The following GPX6 variants were observed in gnomAD, a reference collection of about 807,000 sequenced individuals.
GPX6 encodes the protein glutathione peroxidase 6.
GPX6 carries 21 observed loss-of-function variants against 20.0 expected under a neutral mutation model. The ratio of observed to expected loss-of-function variants is 1.05; its 90% CI spans 0.74 to 1.51. GPX6 has a LOEUF of 1.51. Ranked by LOEUF, GPX6 falls within the 40% of genes most tolerant of loss-of-function variation. The pLI is 0.00. For synonymous variants in GPX6, 75 were observed against 98.0 expected, an observed-to-expected ratio of 0.77 and a Z score of 1.38; for missense variants, 233 against 254.7, an observed-to-expected ratio of 0.91 and a Z score of 0.58.
intron 2 of GPX6, among the ~76,000 whole-genome samples, chr6:28,509,274 C>A (rs1762837144): frequency 6.6e-6 from 1 of 151,042 alleles, no homozygotes; most frequent in South Asian, 2.1e-4. Context: ...AATCCCAGCA[C>A]TTTGGGAGGC....
chr6:28,512,317 C>T lies in GPX6; in HGVS notation c.88-1413G>A, dbSNP rs182384540. Among the ~76,000 whole-genome samples the T allele has an allele frequency of 2.4e-3, 365 of 152,358 alleles. 1 individual carries two copies. Among genetic ancestry groups the T allele is most frequent in the Middle Eastern group, 0.017 (5 of 292 alleles). ...GGGATTGTAAATACACCAATCGGCACTCTGTATCTAGCTCAAGGTTTGTAA... is the reference window on the plus strand; with the variant it reads ...GGGATTGTAAATACACCAATCGGCATTCTGTATCTAGCTCAAGGTTTGTAA... On this transcript the variant is annotated intron_variant, in intron 1 of 4. Transcript: ENST00000361902.
intron 1 of GPX6, 70 bp downstream of exon 1, chr6:28,515,587 C>A: frequency 1.7e-6 from 2 of 1,185,980 alleles, no homozygotes; most frequent in East Asian, 4.7e-5. Context: ...TAGAGAACTC[C>A]TTGCAACTCT....
chr6:28,515,511 G>A, intron 1 of GPX6, 146 bp downstream of exon 1: 2 of 656,424 alleles, frequency 3.0e-6, no homozygotes, highest in Non-Finnish European at 5.5e-6. Flanking sequence ...GCCTGCTAAG[G>A]ATAGCAATGT....
At chr6:28,509,808 A>G (rs1182556489) in intron 2 of GPX6, among the ~76,000 whole-genome samples, 2 of 152,236 alleles carry the variant, frequency 1.3e-5, no homozygotes, top group Admixed American at 6.5e-5. Flanking sequence ...GGTTGGCGAG[A>G]TGGAGCATTC....
chr6:28,505,844 G>C, intron 3 of GPX6, 42 bp from the exon 4 acceptor site: 1 of 1,451,596 alleles, frequency 6.9e-7, no homozygotes, highest in Admixed American at 1.7e-5. Context: ...TACAAATTAA[G>C]ACATGGATGG....
At position 28,510,843 on chromosome 6, in the gene GPX6, C is replaced by T. The variant is rs751406057; in HGVS notation, c.149G>A (p.Gly50Asp). Reference protein sequence around the residue: ...IYEYGALTLNGEEYIQFKQFA... With the variant: ...IYEYGALTLNDEEYIQFKQFA... ...CTGCTTGAATTGGATGTACTCCTCG[C>T]CGTTGAGGGTGAGGGCTCCATACTC... Residue 50 changes from glycine (G) to aspartate (D), a missense_variant, in exon 2 of 5, where the codon GGC (glycine) becomes GAC (aspartate). By Grantham distance (94) the Gly-to-Asp change is moderately conservative. Coordinates refer to ENST00000361902, the MANE Select transcript of GPX6 (RefSeq NM_182701.1). The T allele has an allele frequency of 4.3e-6, 7 of 1,613,926 alleles. No individual in the cohort carries two copies. The African/African-American group carries it at 8.0e-5, about 18-fold the overall frequency.
intron 1 of GPX6, among the ~76,000 whole-genome samples, chr6:28,514,183 T>G (rs1291137698): frequency 6.6e-6 from 1 of 152,210 alleles, no homozygotes; most frequent in Non-Finnish European, 1.5e-5. Context: ...ATGCCTCCAT[T>G]TTCTTGCCTT....
At chr6:28,511,621 C>T (rs1042168875) in intron 1 of GPX6, among the ~76,000 whole-genome samples, 1 of 152,382 alleles carries the variant, frequency 6.6e-6, no homozygotes, top group South Asian at 2.1e-4. Context: ...GGAACACACT[C>T]AACTGGCTGG....
At chr6:28,509,158 G>A (rs1380304970) in intron 2 of GPX6, among the ~76,000 whole-genome samples, 2 of 152,068 alleles carry the variant, frequency 1.3e-5, no homozygotes, top group Non-Finnish European at 2.9e-5. Context: ...AAAATTGATA[G>A]GGTTTATATA....
intron 1 of GPX6, among the ~76,000 whole-genome samples, chr6:28,513,431 A>C (rs1762952173): frequency 6.6e-6 from 1 of 152,124 alleles, no homozygotes; most frequent in Admixed American, 6.6e-5. Context: ...GCTCCCGTAC[A>C]GGTTTGAGCG....
chr6:28,504,467 C>T lies in GPX6; in HGVS notation c.491G>A (p.Gly164Asp), dbSNP rs1265204599. 3 of 1,613,928 alleles carry T rather than the reference C, an allele frequency of 1.9e-6. No homozygotes were observed. The highest frequency in any genetic ancestry group is 2.5e-6 in the Non-Finnish European group (3 of 1,179,934). ...CTCCCAGAAGAGTTGGCTTGATGAG[C>T]CCAAAAGATCAGAGGTCGGAGGGCA... The part of the protein sequence containing the change: ...NSCPPTSDLL[G>D]SSSQLFWEPM... Residue 164 changes from glycine (G) to aspartate (D), a missense_variant, in exon 5 of 5, where the codon GGC (glycine) becomes GAC (aspartate). Physicochemically the swap from Gly to Asp is moderately conservative, Grantham distance 94. Coordinates refer to ENST00000361902, the MANE Select transcript of GPX6 (RefSeq NM_182701.1).
chr6:28,504,968 T>C (rs193212097), intron 4 of GPX6, among the ~76,000 whole-genome samples: 3 of 152,300 alleles, frequency 2.0e-5, no homozygotes, highest in Admixed American at 6.5e-5. Context: ...CTAATACTCA[T>C]TTTGCCAATA....
At chr6:28,515,081 T>A (rs990947325) in intron 1 of GPX6, among the ~76,000 whole-genome samples, 1 of 152,228 alleles carries the variant, frequency 6.6e-6, no homozygotes, top group Non-Finnish European at 1.5e-5. Context: ...TGACCTTCCC[T>A]AAAATTAATA....
At chr6:28,512,809 A>G (rs1483769073) in intron 1 of GPX6, among the ~76,000 whole-genome samples, 3 of 152,096 alleles carry the variant, frequency 2.0e-5, no homozygotes, top group African/African-American at 7.2e-5. Context: ...GGAGGAATGA[A>G]CAACTCCAGA....
At chr6:28,511,816 C>T (rs534371088) in intron 1 of GPX6, among the ~76,000 whole-genome samples, 1 of 152,378 alleles carries the variant, frequency 6.6e-6, no homozygotes. Context: ...AGCCGGCCCC[C>T]TCAGCTTCCG....
At chr6:28,513,055 C>G (rs1269735001) in intron 1 of GPX6, among the ~76,000 whole-genome samples, 1 of 152,188 alleles carries the variant, frequency 6.6e-6, no homozygotes, top group Non-Finnish European at 1.5e-5. Context: ...TAGGAGCACA[C>G]TGGAAGGCCA....
At chr6:28,505,571 A>C in intron 4 of GPX6, 132 bp downstream of exon 4, 1 of 660,410 alleles carries the variant, frequency 1.5e-6, no homozygotes. Flanking sequence ...ATCACAGCAG[A>C]TATTGCCATG....
rs1182747822 is a variant in GPX6, at chr6:28,506,344, T to C, written c.327A>G (p.Pro109=). Residue 109 remains proline, a synonymous_variant, in exon 3 of 5, where the codon CCA becomes CCG. Coordinates refer to ENST00000361902, the MANE Select transcript of GPX6 (RefSeq NM_182701.1). ...CAAGAAGTATTTCTGAGTTTGTTCCTGGTTCTTGTTTTCCAAACTGGTTGC... is the reference window on the plus strand; with the variant it reads ...CAAGAAGTATTTCTGAGTTTGTTCCCGGTTCTTGTTTTCCAAACTGGTTGC... The part of the protein sequence containing the change: ...FPCNQFGKQE[P]GTNSEILLGL... 1 of 1,613,602 alleles carries C rather than the reference T, an allele frequency of 6.2e-7. No individual in the cohort carries two copies. Among genetic ancestry groups the C allele is most frequent in the East Asian group, 2.2e-5 (1 of 44,884 alleles).
chr6:28,513,341 C>T (rs1287309610), intron 1 of GPX6, among the ~76,000 whole-genome samples: 1 of 152,184 alleles, frequency 6.6e-6, no homozygotes, highest in Non-Finnish European at 1.5e-5. Context: ...CCCACTGGGG[C>T]TTCAGTTGTA....
Sources: gnomAD v4.1 joint callset for allele counts (sites outside exome capture counted in the v4.1 genomes callset) on GRCh38, gnomAD v4.1.1 for gene constraint, MANE v1.5 for transcripts, NCBI Gene and HGNC (gene_info 2026-07-23, HGNC 2026-07-21) for gene names.